CTNNA3: variants seen among roughly 807,000 people sequenced by gnomAD.
CTNNA3 encodes the protein catenin alpha-3.
In CTNNA3, 76 loss-of-function variants were observed where a neutral mutation model predicts 95.7. The ratio of observed to expected loss-of-function variants is 0.79; its 90% CI spans 0.66 to 0.96. CTNNA3 has a LOEUF of 0.96. Among genes scored for constraint, CTNNA3 ranks in the 40% least tolerant of loss-of-function variants. The pLI is 0.00. For synonymous variants in CTNNA3, 431 were observed against 374.4 expected (o/e 1.15, Z -1.74); for missense variants, 1,191 against 1,089.8 (o/e 1.09, Z -1.31).
Position 67,053,269 on chromosome 10 carries a change from C to T in CTNNA3, c.1047+127048G>A, listed in dbSNP as rs552207536. 6.6e-5 allele frequency among the ~76,000 whole-genome samples: 10 copies of T among 152,232 alleles called. No homozygotes were observed. The South Asian group carries it at 2.1e-3, about 32-fold the overall frequency. On this transcript the variant is annotated intron_variant, in intron 7 of 17. Transcript: ENST00000433211. ...TAGGATGCAGTGTTTTCCAAATACG[C>T]TAATCTTAGAACACTATACAAATAC... is the stretch of plus-strand genomic sequence containing the variant.
At chr10:67,638,359 C>T (rs1240501589) in intron 2 of CTNNA3, among the ~76,000 whole-genome samples, 1 of 152,130 alleles carries the variant, frequency 6.6e-6, no homozygotes, top group African/African-American at 2.4e-5. Flanking sequence ...ATTCATAAAG[C>T]AAGTCCTTAG....
At chr10:67,626,130 A>G (rs1406804740) in intron 2 of CTNNA3, among the ~76,000 whole-genome samples, 1 of 151,872 alleles carries the variant, frequency 6.6e-6, no homozygotes. Context: ...GCTATGAGCC[A>G]TGATTACACC....
chr10:66,851,628 T>TCA (rs1380371147), intron 7 of CTNNA3, among the ~76,000 whole-genome samples: 1 of 92,820 alleles, frequency 1.1e-5, no homozygotes, highest in East Asian at 5.3e-4. Flanking sequence ...TCTCTTTCTC[T>TCA]CACATACACA....
chr10:66,068,824 C>A (rs1474436280), intron 15 of CTNNA3, among the ~76,000 whole-genome samples: 1 of 152,152 alleles, frequency 6.6e-6, no homozygotes, highest in Non-Finnish European at 1.5e-5. Flanking sequence ...AATATGCCCA[C>A]AATGTACATT....
At chr10:67,732,071 T>A (rs1841278084) in intron 1 of CTNNA3, among the ~76,000 whole-genome samples, 1 of 151,672 alleles carries the variant, frequency 6.6e-6, no homozygotes, top group Non-Finnish European at 1.5e-5. Flanking sequence ...TGAGCCATCA[T>A]GCCTGGCCCA....
At chr10:67,509,547 T>G (rs1839540352) in intron 5 of CTNNA3, among the ~76,000 whole-genome samples, 1 of 152,218 alleles carries the variant, frequency 6.6e-6, no homozygotes, top group South Asian at 2.1e-4. Context: ...CTGTATAGTA[T>G]TCCATGGTGT....
At chr10:67,364,951 A>T (rs1404743846) in intron 5 of CTNNA3, among the ~76,000 whole-genome samples, 1 of 152,222 alleles carries the variant, frequency 6.6e-6, no homozygotes, top group Non-Finnish European at 1.5e-5. Context: ...AGTTGGAGGC[A>T]TCACACTACC....
chr10:67,434,868 T>G (rs1485150651), intron 5 of CTNNA3, among the ~76,000 whole-genome samples: 1 of 151,980 alleles, frequency 6.6e-6, no homozygotes, highest in Admixed American at 6.6e-5. Context: ...TTTGAAAGTA[T>G]TACTGTTTCA....
rs145970488 is a variant in CTNNA3 at position 67,046,307 on chromosome 10, C to T, written c.1047+134010G>A. ...TTCTTATCTCAGGGCCACGTTGCTACCATAAATCAAATATGCCAGGTTTCA... is the reference window on the plus strand; with the variant it reads ...TTCTTATCTCAGGGCCACGTTGCTATCATAAATCAAATATGCCAGGTTTCA... On this transcript the variant is annotated intron_variant, in intron 7 of 17. Transcript: ENST00000433211. Among the ~76,000 whole-genome samples the T allele has an allele frequency of 9.1e-4, 138 of 152,298 alleles. 3 individuals are homozygous for T. The highest frequency in any genetic ancestry group is 3.2e-3 in the African/African-American group (134 of 41,560).
intron 17 of CTNNA3, among the ~76,000 whole-genome samples, chr10:65,956,007 CCTTCTGGTCCTGGA>C (rs2077721909): frequency 1.3e-5 from 2 of 152,122 alleles, no homozygotes; most frequent in African/African-American, 4.8e-5. Flanking sequence ...GGCTGTGAAT[CCTTCTGGTCCTGGA>C]CTTTTTTTGG....
chr10:67,451,507 A>G (rs1201804602), intron 5 of CTNNA3, among the ~76,000 whole-genome samples: 2 of 152,186 alleles, frequency 1.3e-5, no homozygotes, highest in Non-Finnish European at 2.9e-5. Context: ...CCCAAAAGAT[A>G]AGTGAGCAAA....
chr10:66,913,081 T>C (rs2132565661), intron 7 of CTNNA3, among the ~76,000 whole-genome samples: 1 of 150,278 alleles, frequency 6.7e-6, no homozygotes, highest in South Asian at 2.1e-4. Flanking sequence ...CTACTAAAAA[T>C]ACAAAAAATT....
rs189384510 is a variant in CTNNA3, at chr10:66,225,787, C to T, written c.1884+54683G>A. Among the ~76,000 whole-genome samples the T allele has an allele frequency of 1.0e-3, 156 of 151,700 alleles. 1 individual carries two copies. Among genetic ancestry groups the T allele is most frequent in the Non-Finnish European group, 6.6e-4 (45 of 67,808 alleles). On this transcript the variant is annotated intron_variant, in intron 13 of 17. Transcript: ENST00000433211. ...CCATTCTAATTGGGGAAAAATTATA[C>T]CTCTCTGGATTTAATTTGCATTCCC... is the stretch of plus-strand genomic sequence containing the variant.
At chr10:67,726,644 A>ATGATG (rs1564841387) in intron 1 of CTNNA3, among the ~76,000 whole-genome samples, 15 of 85,540 alleles carry the variant, frequency 1.8e-4, no homozygotes, top group African/African-American at 7.1e-4. Flanking sequence ...TATATAATAT[A>ATGATG]TACTATAATA....
At position 67,691,869 on chromosome 10, in the gene CTNNA3, C is replaced by A. The variant is rs1291933027; in HGVS notation, c.-6+4131G>T. On this transcript the variant is annotated intron_variant, in intron 1 of 17. Transcript: ENST00000433211. ...AGGAGCCCCTCTGCCTGGCCAGCTG[C>A]CCCGTCCGGGAGGGAGGTGGGGGGG... Among the ~76,000 whole-genome samples, 6 of 150,372 alleles carry A rather than the reference C, an allele frequency of 4.0e-5. No individual in the cohort carries two copies. In the East Asian group the frequency reaches 1.2e-3, roughly 31 times the overall value.
chr10:66,462,065 C>T (rs1276011122), intron 11 of CTNNA3, among the ~76,000 whole-genome samples: 1 of 151,970 alleles, frequency 6.6e-6, no homozygotes, highest in African/African-American at 2.4e-5. Context: ...CCACCTCGTC[C>T]CCCCAAAGTG....
intron 1 of CTNNA3, among the ~76,000 whole-genome samples, chr10:67,651,014 T>A (rs918600145): frequency 6.6e-6 from 1 of 152,130 alleles, no homozygotes; most frequent in Non-Finnish European, 1.5e-5. Flanking sequence ...AGGCTCCTCT[T>A]AGTAAAACTA....
chr10:67,033,706 G>A (rs939939387), intron 7 of CTNNA3, among the ~76,000 whole-genome samples: 1 of 152,126 alleles, frequency 6.6e-6, no homozygotes, highest in African/African-American at 2.4e-5. Context: ...CTAAATGGTG[G>A]AACTCAGATT....
intron 15 of CTNNA3, among the ~76,000 whole-genome samples, chr10:66,047,958 G>T (rs1279291946): frequency 6.6e-6 from 1 of 152,046 alleles, no homozygotes; most frequent in Non-Finnish European, 1.5e-5. Context: ...TACAAAAGCT[G>T]CTTAAAGAAA....
Sources: allele counts gnomAD v4.1 joint callset (sites outside exome capture counted in the v4.1 genomes callset), GRCh38; gene constraint gnomAD v4.1.1; transcripts MANE v1.5; gene names NCBI Gene and HGNC (gene_info 2026-07-23, HGNC 2026-07-21).